Variants in MYO5A observed in about 807,000 individuals in gnomAD.
MYO5A encodes myosin VA.
A neutral mutation model predicts 249.7 loss-of-function variants in MYO5A; 98 were observed. The ratio of observed to expected loss-of-function variants is 0.39; its 90% confidence interval spans 0.33 to 0.46. The LOEUF (loss-of-function observed/expected upper bound fraction) is 0.46, where lower values mean the gene tolerates loss of function less well. Ranked by LOEUF, MYO5A falls within the 20% of genes least tolerant of loss-of-function variation. The pLI, the probability that MYO5A is intolerant of heterozygous loss-of-function variation, is 0.98. For missense variants in MYO5A, 1,696 were observed against 2,308.8 expected, an observed-to-expected ratio of 0.73 and a Z score of 5.44; for synonymous variants, 778 against 810.6, an observed-to-expected ratio of 0.96 and a Z score of 0.68.
In MYO5A at chr15:52,351,236, T is replaced by C. The variant is rs1227355310; in HGVS notation, c.3849+18A>G. 1.2e-6 allele frequency: 2 copies of C among 1,606,452 alleles called. No individual in the cohort carries two copies. The highest frequency in any genetic ancestry group is 1.7e-6 in the Non-Finnish European group (2 of 1,173,696). On this transcript the variant is annotated intron_variant, in intron 28 of 41. Coordinates refer to ENST00000399233, the MANE Select transcript of MYO5A (RefSeq NM_001382347.1). ...GCCAGTCCCCGAACACCCAGTTTAA[T>C]TGTGTGCTTGCGCTTACCTTGGGTT...
chr15:52,387,700 A>G (rs2042026427), intron 14 of MYO5A, 129 bp downstream of exon 14: 1 of 708,228 alleles, frequency 1.4e-6, no homozygotes, highest in Non-Finnish European at 2.4e-6. Context: ...ACTTTGACTA[A>G]CATACTAAGT....
Position 52,337,818 on chromosome 15 carries a change from G to A in MYO5A, c.4306C>T (p.Arg1436Trp), listed in dbSNP as rs573531753. The change falls in exon 33 of 42, where the codon CGG becomes TGG. Residue 1436 changes from arginine (R) to tryptophan (W), a missense_variant. Arg to Trp is a moderately radical substitution (Grantham distance 101). This residue lies in a region of MYO5A where 625 missense variants were observed against 908.1 expected (regional missense o/e 0.69). Coordinates refer to ENST00000399233, the MANE Select transcript of MYO5A (RefSeq NM_001382347.1). The part of the protein sequence containing the change: ...YQSYRISLYK[R>W]MIDLMEQLEK... The stretch of plus-strand genomic sequence containing the variant: ...ACTATGGTTTTACATACAATCATCC[G>A]TTTGTAAAGGGAAATCCGATATGAT... 11 of 1,539,122 alleles carry A rather than the reference G, an allele frequency of 7.1e-6. No homozygotes were observed. The highest frequency in any genetic ancestry group is 3.6e-5 in the South Asian group (3 of 83,040).
intron 22 of MYO5A, among the ~76,000 whole-genome samples, chr15:52,368,429 G>C (rs1346526678): frequency 1.3e-5 from 2 of 152,050 alleles, no homozygotes; most frequent in Non-Finnish European, 2.9e-5. Context: ...AGTCTGGATA[G>C]CTCCCTTTTT....
intron 1 of MYO5A, among the ~76,000 whole-genome samples, chr15:52,499,147 C>T (rs906374308): frequency 6.6e-6 from 1 of 152,130 alleles, no homozygotes; most frequent in African/African-American, 2.4e-5. Flanking sequence ...AGCTTCTCCT[C>T]CATCCCCAGT....
At chr15:52,442,677 A>G (rs570907816) in intron 1 of MYO5A, among the ~76,000 whole-genome samples, 1 of 152,268 alleles carries the variant, frequency 6.6e-6, no homozygotes, top group African/African-American at 2.4e-5. Context: ...AACATGATAG[A>G]GATGAAGTTC....
intron 11 of MYO5A, among the ~76,000 whole-genome samples, chr15:52,394,718 T>C (rs1325431794): frequency 6.6e-6 from 1 of 152,176 alleles, no homozygotes. Context: ...AGCCAGTTCC[T>C]AAAGAGGCTG....
rs528218388 is a variant in MYO5A at position 52,377,376 on chromosome 15, C to G, written c.2209-818G>C. 1.4e-4 allele frequency among the ~76,000 whole-genome samples: 21 copies of G among 151,530 alleles called. No homozygotes were observed. In the East Asian group the frequency reaches 3.7e-3, roughly 27 times the overall value. On this transcript the variant is annotated intron_variant, in intron 18 of 41. Transcript: ENST00000399233. ...GGTGGAGGTTGCAGTGAGCCAAGATCGCGCCACTGCACTCCAGCCTAGCAA... is the reference window on the plus strand; with the variant it reads ...GGTGGAGGTTGCAGTGAGCCAAGATGGCGCCACTGCACTCCAGCCTAGCAA...
At chr15:52,462,090 C>T (rs934258396) in intron 1 of MYO5A, among the ~76,000 whole-genome samples, 3 of 150,380 alleles carry the variant, frequency 2.0e-5, no homozygotes, top group East Asian at 3.9e-4. Context: ...ACTGAAACCC[C>T]GTCTCTACTA....
intron 40 of MYO5A, among the ~76,000 whole-genome samples, chr15:52,315,973 G>A (rs1303668611): frequency 1.3e-5 from 2 of 151,968 alleles, no homozygotes; most frequent in African/African-American, 2.4e-5. Context: ...TGTGGCTCAC[G>A]CCTGTAATCC....
chr15:52,382,528 G>A (rs933360028), intron 16 of MYO5A, among the ~76,000 whole-genome samples: 4 of 152,156 alleles, frequency 2.6e-5, no homozygotes, highest in East Asian at 1.9e-4. Flanking sequence ...CCGAGATCGC[G>A]TTATTGCACT....
At chr15:52,412,996 C>G (rs1322745907) in intron 5 of MYO5A, among the ~76,000 whole-genome samples, 1 of 151,778 alleles carries the variant, frequency 6.6e-6, no homozygotes, top group African/African-American at 2.4e-5. Context: ...TAAAATACGA[C>G]AGTAGCTGAG....
chr15:52,466,665 G>T (rs565173355), intron 1 of MYO5A, among the ~76,000 whole-genome samples: 98 of 152,250 alleles, frequency 6.4e-4, no homozygotes, highest in African/African-American at 2.4e-3. Flanking sequence ...TTTACCAGAG[G>T]CCTAAATCAG....
chr15:52,338,413 A>G (rs1173200934), intron 32 of MYO5A, among the ~76,000 whole-genome samples: 1 of 152,062 alleles, frequency 6.6e-6, no homozygotes, highest in Non-Finnish European at 1.5e-5. Context: ...AGGTAGAAAA[A>G]TCATTTTTGT....
intron 9 of MYO5A, among the ~76,000 whole-genome samples, chr15:52,402,202 C>A (rs2141204807): frequency 6.6e-6 from 1 of 152,304 alleles, no homozygotes; most frequent in East Asian, 1.9e-4. Flanking sequence ...TTGAGACCTT[C>A]CAGGAACTAT....
intron 1 of MYO5A, among the ~76,000 whole-genome samples, chr15:52,498,990 C>T (rs2077098023): frequency 6.6e-6 from 1 of 152,148 alleles, no homozygotes; most frequent in African/African-American, 2.4e-5. Context: ...TGTAAGATAT[C>T]ATTTAAGATT....
rs1320150722 is a variant in MYO5A at position 52,384,258 on chromosome 15, G to C, written c.1817C>G (p.Ser606Cys). The C allele has an allele frequency of 3.1e-6, 5 of 1,614,086 alleles. No homozygotes were observed. Among genetic ancestry groups the C allele is most frequent in the East Asian group, 4.5e-5 (2 of 44,896 alleles). Reference protein sequence around the residue: ...EKAISPTSATSSGRTPLTRTP... With the variant: ...EKAISPTSATCSGRTPLTRTP... The stretch of plus-strand genomic sequence containing the variant: ...TCGTGTGAGGGGTGTGCGCCCTGAG[G>C]AGGTGGCTGAAGTTGGACTGATGGC... The change falls in exon 15 of 42, where the codon TCC becomes TGC. Residue 606 changes from serine to cysteine, a missense_variant. Ser to Cys is a moderately radical substitution (Grantham distance 112, BLOSUM62 -1). Transcript: ENST00000399233.
At chr15:52,354,104 G>C in intron 25 of MYO5A, 90 bp from the exon 26 acceptor site, 3 of 1,460,200 alleles carry the variant, frequency 2.1e-6, no homozygotes, top group Non-Finnish European at 2.8e-6. Flanking sequence ...TGGAAAAATA[G>C]GCAAACTTAC....
chr15:52,505,476 AGAT>A (rs2077249484), intron 1 of MYO5A: 4 of 1,074,590 alleles, frequency 3.7e-6, no homozygotes, highest in Non-Finnish European at 5.8e-6. Context: ...CAGATAGTAA[AGAT>A]GATGATGACA....
chr15:52,529,005 C>G (rs2077777637), upstream of MYO5A: 1 of 282,994 alleles, frequency 3.5e-6, no homozygotes, highest in South Asian at 1.3e-4. Flanking sequence ...CGCCATCACT[C>G]CCGGGCTCGC....
Sources: gnomAD v4.1 joint callset for allele counts (sites outside exome capture counted in the v4.1 genomes callset) on GRCh38, gnomAD v4.1.1 for gene constraint, gnomAD v4.1.1 regional missense constraint, MANE v1.5 for transcripts, NCBI Gene and HGNC (gene_info 2026-07-23, HGNC 2026-07-21) for gene names.